COL14A1: variants seen among roughly 807,000 people sequenced by gnomAD.
The protein encoded by COL14A1 is collagen alpha-1(XIV) chain.
A neutral mutation model predicts 230.3 loss-of-function variants in COL14A1; 136 were observed. That is an observed-to-expected ratio of 0.59 (90% CI 0.51 to 0.68). The LOEUF is 0.68. Among genes scored for constraint, COL14A1 ranks in the 30% least tolerant of loss-of-function variants. The probability of loss-of-function intolerance (pLI) is 0.00; values close to 1 mark genes in which losing one functional copy is unlikely to be tolerated. For synonymous variants in COL14A1, 792 were observed against 784.1 expected, an observed-to-expected ratio of 1.01 and a Z score of -0.17; for missense variants, 1,976 against 2,215.8, an observed-to-expected ratio of 0.89 and a Z score of 2.17.
At chr8:120,156,221 G>A (rs1815474449) in intron 2 of COL14A1, among the ~76,000 whole-genome samples, 1 of 151,298 alleles carries the variant, frequency 6.6e-6, no homozygotes, top group South Asian at 2.1e-4. Flanking sequence ...CCAGGCTGGA[G>A]TGCAGTAGCC....
chr8:120,247,897 G>T (rs956768308), intron 21 of COL14A1, among the ~76,000 whole-genome samples, 162 bp downstream of exon 21: 1 of 152,030 alleles, frequency 6.6e-6, no homozygotes, highest in Non-Finnish European at 1.5e-5. Flanking sequence ...TTTTAGTATG[G>T]TCAGTGATAG....
At chr8:120,313,423 C>T (rs1419648372) in intron 37 of COL14A1, among the ~76,000 whole-genome samples, 1 of 152,036 alleles carries the variant, frequency 6.6e-6, no homozygotes, top group East Asian at 1.9e-4. Flanking sequence ...ATTCAGTGGA[C>T]ATTGAAGAAG....
At chr8:120,348,022 T>C (rs1269578022) in intron 45 of COL14A1, among the ~76,000 whole-genome samples, 1 of 152,058 alleles carries the variant, frequency 6.6e-6, no homozygotes, top group Non-Finnish European at 1.5e-5. Flanking sequence ...AAAAATTCAC[T>C]ACTGGGTATC....
intron 5 of COL14A1, among the ~76,000 whole-genome samples, chr8:120,187,611 CATG>C (rs1476585832): frequency 1.3e-5 from 2 of 152,138 alleles, no homozygotes; most frequent in African/African-American, 2.4e-5. Context: ...TGGAGTTTCT[CATG>C]ATGTCAGTAA....
At chr8:120,291,559 C>CAAAAAAAAA (rs375963111) in intron 34 of COL14A1, among the ~76,000 whole-genome samples, 8 of 41,574 alleles carry the variant, frequency 1.9e-4, no homozygotes, top group African/African-American at 4.3e-4. Flanking sequence ...GACTCCATCT[C>CAAAAAAAAA]AAAAAAAAAA....
At chr8:120,159,261 T>G (rs1433475771) in intron 3 of COL14A1, among the ~76,000 whole-genome samples, 2 of 152,050 alleles carry the variant, frequency 1.3e-5, no homozygotes, top group Non-Finnish European at 2.9e-5. Context: ...CACATTAAAT[T>G]TGGGAAGTAC....
chr8:120,363,835 C>G (rs941582545), intron 45 of COL14A1, among the ~76,000 whole-genome samples: 16 of 152,174 alleles, frequency 1.1e-4, no homozygotes, highest in African/African-American at 3.9e-4. Flanking sequence ...TTCATTCACT[C>G]ATTTGTTCTT....
At chr8:120,137,884 G>A (rs1430439365) in intron 1 of COL14A1, among the ~76,000 whole-genome samples, 2 of 151,908 alleles carry the variant, frequency 1.3e-5, no homozygotes, top group East Asian at 3.9e-4. Flanking sequence ...CTGGGATTAT[G>A]GGTGTGAGTC....
At chr8:120,357,515 G>C (rs1334144835) in intron 45 of COL14A1, among the ~76,000 whole-genome samples, 1 of 152,122 alleles carries the variant, frequency 6.6e-6, no homozygotes, top group Admixed American at 6.5e-5. Context: ...TTAGAAGGGA[G>C]TCACTAAGCC....
chr8:120,314,887 T>C (rs1434079031), intron 38 of COL14A1, among the ~76,000 whole-genome samples: 1 of 152,220 alleles, frequency 6.6e-6, no homozygotes, highest in Non-Finnish European at 1.5e-5. Flanking sequence ...AAAACAAATC[T>C]ACATAGATAT....
At chr8:120,274,122 T>C (rs1272771274) in intron 26 of COL14A1, among the ~76,000 whole-genome samples, 1 of 151,744 alleles carries the variant, frequency 6.6e-6, no homozygotes, top group Non-Finnish European at 1.5e-5. Context: ...ATCAAGAAGA[T>C]AATACGCTGT....
chr8:120,161,121 TG>T (rs1815653339), intron 3 of COL14A1, among the ~76,000 whole-genome samples: 1 of 152,092 alleles, frequency 6.6e-6, no homozygotes, highest in Admixed American at 6.6e-5. Flanking sequence ...CATAAGGAAA[TG>T]GGTTTTGGCA....
intron 5 of COL14A1, among the ~76,000 whole-genome samples, chr8:120,171,397 C>CT (rs1321577997): frequency 1.3e-5 from 2 of 152,202 alleles, no homozygotes; most frequent in Non-Finnish European, 2.9e-5. Context: ...CAGACCTTCT[C>CT]TGTGTATCCA....
intron 20 of COL14A1, among the ~76,000 whole-genome samples, chr8:120,245,272 T>A (rs1818727891): frequency 2.0e-5 from 3 of 152,170 alleles, no homozygotes; most frequent in African/African-American, 7.2e-5. Flanking sequence ...TATTTATTCA[T>A]GTATTTGCTC....
At chr8:120,223,328 C>A (rs537131223) in intron 14 of COL14A1, among the ~76,000 whole-genome samples, 2 of 152,294 alleles carry the variant, frequency 1.3e-5, no homozygotes, top group East Asian at 3.9e-4. Context: ...TAGTGACCTT[C>A]CCCTGAACCT....
At chr8:120,290,077 C>T (rs1820327834) in intron 34 of COL14A1, among the ~76,000 whole-genome samples, 1 of 152,060 alleles carries the variant, frequency 6.6e-6, no homozygotes, top group Non-Finnish European at 1.5e-5. Flanking sequence ...AAATATTCAT[C>T]ACATGGTTTG....
chr8:120,173,300 C>T (rs1816153839), intron 5 of COL14A1, among the ~76,000 whole-genome samples: 1 of 152,056 alleles, frequency 6.6e-6, no homozygotes, highest in African/African-American at 2.4e-5. Context: ...CATGCTGTCT[C>T]TTATGTCTTT....
intron 36 of COL14A1, 64 bp downstream of exon 36, chr8:120,300,882 T>A: frequency 7.8e-7 from 1 of 1,285,394 alleles, no homozygotes; most frequent in Non-Finnish European, 1.1e-6. Context: ...CACTTGTGTG[T>A]CTAATATGTG....
intron 45 of COL14A1, among the ~76,000 whole-genome samples, chr8:120,364,899 A>G (rs933287507): frequency 1.3e-5 from 2 of 151,784 alleles, no homozygotes; most frequent in Admixed American, 6.6e-5. Context: ...AAAAAAAAAG[A>G]AAAGAAAAGA....
Sources: allele counts gnomAD v4.1 joint callset (sites outside exome capture counted in the v4.1 genomes callset), GRCh38; gene constraint gnomAD v4.1.1; transcripts MANE v1.5; gene names NCBI Gene and HGNC (gene_info 2026-07-23, HGNC 2026-07-21).